The following USP46 variants were observed in gnomAD, a reference collection of about 807,000 sequenced individuals.
USP46 encodes the protein ubiquitin carboxyl-terminal hydrolase 46.
Under a neutral mutation model 44.4 loss-of-function variants are expected in USP46, and 12 were observed. The ratio of observed to expected loss-of-function variants is 0.27; its 90% CI spans 0.17 to 0.44. The LOEUF (loss-of-function observed/expected upper bound fraction) is 0.44, where lower values mean the gene tolerates loss of function less well. Ranked by LOEUF, USP46 falls within the 20% of genes least tolerant of loss-of-function variation. The pLI, the probability that USP46 is intolerant of heterozygous loss-of-function variation, is 1.00. For missense variants in USP46, 248 were observed against 444.8 expected (o/e 0.56, Z 3.98); for synonymous variants, 155 against 161.5 (o/e 0.96, Z 0.31).
Position 52,608,280 on chromosome 4 carries a change from T to C in USP46, c.638+2261A>G, listed in dbSNP as rs573292071. On this transcript the variant is annotated intron_variant, in intron 5 of 8. Coordinates refer to ENST00000441222, the MANE Select transcript of USP46 (RefSeq NM_022832.4). Reference sequence around the variant, plus strand: ...ATCGTGTCCAAGTTAATGTCTATCTTTGATATATTTTCAATTAAAATCTTC... The same window carrying C: ...ATCGTGTCCAAGTTAATGTCTATCTCTGATATATTTTCAATTAAAATCTTC... Among the ~76,000 whole-genome samples, 409 of 152,378 alleles carry C rather than the reference T, an allele frequency of 2.7e-3. 3 individuals are homozygous for C. Among genetic ancestry groups the C allele is most frequent in the Middle Eastern group, 0.014 (4 of 294 alleles).
chr4:52,624,117 G>A (rs1398552351), intron 4 of USP46, among the ~76,000 whole-genome samples: 2 of 152,006 alleles, frequency 1.3e-5, no homozygotes, highest in Non-Finnish European at 2.9e-5. Context: ...GGGGGTTGGC[G>A]GGGAGGATTA....
chr4:52,654,217 T>C (rs1718873565), intron 1 of USP46, among the ~76,000 whole-genome samples: 1 of 152,228 alleles, frequency 6.6e-6, no homozygotes, highest in African/African-American at 2.4e-5. Flanking sequence ...TATTTTCTAA[T>C]CCCAGCAACT....
intron 2 of USP46, chr4:52,628,391 C>A: frequency 2.1e-6 from 1 of 483,748 alleles, no homozygotes; most frequent in Admixed American, 3.3e-5. Context: ...CTTCTCTAGC[C>A]CATCAAAGTC....
chr4:52,656,218 CAA>C, intron 1 of USP46: 1 of 1,462,292 alleles, frequency 6.8e-7, no homozygotes, highest in African/African-American at 1.4e-5. Context: ...CAGCTGGGAC[CAA>C]AGTTAGGAGC....
At chr4:52,616,214 C>T (rs188023237) in intron 4 of USP46, among the ~76,000 whole-genome samples, 4 of 152,210 alleles carry the variant, frequency 2.6e-5, no homozygotes, top group African/African-American at 9.6e-5. Flanking sequence ...TGACATCTAG[C>T]AGGTAGAAGC....
At chr4:52,653,278 G>T (rs566340853) in intron 1 of USP46, among the ~76,000 whole-genome samples, 4 of 152,168 alleles carry the variant, frequency 2.6e-5, no homozygotes, top group Non-Finnish European at 1.5e-5. Flanking sequence ...GGCTGAGGCG[G>T]GCGGATCACC....
chr4:52,637,260 G>A (rs772352265), intron 1 of USP46, among the ~76,000 whole-genome samples: 6 of 151,998 alleles, frequency 3.9e-5, no homozygotes, highest in Non-Finnish European at 8.8e-5. Flanking sequence ...TTTTTCCAAG[G>A]GCTGTCTGGG....
chr4:52,624,470 C>T (rs147772948), intron 4 of USP46, among the ~76,000 whole-genome samples: 2,607 of 152,238 alleles, frequency 0.017, 75 homozygotes, highest in African/African-American at 0.058. Context: ...AACTTTTAGT[C>T]TCTTTTTGTT....
chr4:52,612,586 C>A (rs1219281998), intron 4 of USP46, among the ~76,000 whole-genome samples: 1 of 152,340 alleles, frequency 6.6e-6, no homozygotes. Flanking sequence ...AGAAGGATAA[C>A]CCCAGGCTAG....
intron 1 of USP46, chr4:52,656,430 G>T: frequency 6.8e-7 from 1 of 1,473,922 alleles, no homozygotes; most frequent in Non-Finnish European, 9.1e-7. Flanking sequence ...AGGGACAGTG[G>T]GGGCGGTGGG....
Position 52,659,014 on chromosome 4 carries a change from G to C in USP46, c.36+101C>G. 1 of 1,399,562 alleles carries C rather than the reference G, an allele frequency of 7.1e-7. No homozygotes were observed. 86.7% of individuals were successfully genotyped at this position (1,399,562 alleles called of 1,614,324 possible). On this transcript the variant is annotated intron_variant, in intron 1 of 8. Transcript: ENST00000441222. This position sits in a 1 kb window ranked among gnomAD's most constrained non-coding sequence, Gnocchi z 4.2. ...AACTTCTGGCGGCGCGGACCCCGCCGCCCCCGCCGCCCCAGCCACCGGGCG... is the reference window on the plus strand; with the variant it reads ...AACTTCTGGCGGCGCGGACCCCGCCCCCCCCGCCGCCCCAGCCACCGGGCG...
chr4:52,593,914 T>C lies in USP46; in HGVS notation c.*3726A>G, dbSNP rs1278035602. On this transcript the variant is annotated 3_prime_UTR_variant, in exon 9 of 9. Coordinates refer to ENST00000441222, the MANE Select transcript of USP46 (RefSeq NM_022832.4). The stretch of plus-strand genomic sequence containing the variant: ...TCAATTTGCTATTCTCCAGATACCA[T>C]TTCCTGAATTAAATTCTGTTGATCT... The C allele has an allele frequency of 6.6e-6, 1 of 152,254 alleles. No individual in the cohort carries two copies. The highest frequency in any genetic ancestry group is 6.5e-5 in the Admixed American group (1 of 15,280). 9.4% of individuals were successfully genotyped at this position (152,254 alleles called of 1,614,324 possible).
chr4:52,627,841 C>T (rs572319765), intron 3 of USP46, 109 bp downstream of exon 3: 9 of 1,219,182 alleles, frequency 7.4e-6, no homozygotes, highest in East Asian at 5.1e-5. Context: ...GTTAACCATG[C>T]TTATTTTCCC....
Position 52,659,272 on chromosome 4 carries a change from G to C in USP46, c.-122C>G. 1.0e-6 allele frequency: 1 copy of C among 954,968 alleles called. No individual in the cohort carries two copies. The highest frequency in any genetic ancestry group is 1.4e-6 in the Non-Finnish European group (1 of 722,348). The allele number at this position is 954,968 out of a possible 1,614,324, so 59.2% of individuals were successfully genotyped here. A position where few individuals can be genotyped will look rare whatever the true frequency, so the allele number is the denominator to read the frequency against. ...GCGGCGGCCTGGGGTCCGGCTTTCA[G>C]TTTGGCTGGGAGAGGGAGGCCGGGA... On this transcript the variant is annotated 5_prime_UTR_variant, in exon 1 of 9. Coordinates refer to ENST00000441222, the MANE Select transcript of USP46 (RefSeq NM_022832.4). This position sits in a 1 kb window ranked among gnomAD's most constrained non-coding sequence, Gnocchi z 4.2.
At chr4:52,598,973 C>A (rs1716348446) in intron 7 of USP46, among the ~76,000 whole-genome samples, 1 of 152,188 alleles carries the variant, frequency 6.6e-6, no homozygotes, top group African/African-American at 2.4e-5. Context: ...CAAAAAATTA[C>A]TCTCTACGTA....
At chr4:52,658,744 G>A (rs1407880912) in intron 1 of USP46, among the ~76,000 whole-genome samples, 1 of 152,236 alleles carries the variant, frequency 6.6e-6, no homozygotes, top group African/African-American at 2.4e-5. Context: ...TTGACCGCAA[G>A]AAGAGGATGG....
At chr4:52,599,221 T>G (rs372799421) in intron 7 of USP46, among the ~76,000 whole-genome samples, 2 of 137,590 alleles carry the variant, frequency 1.5e-5, no homozygotes, top group African/African-American at 5.7e-5. Flanking sequence ...ATAATGTGAG[T>G]AGAAGGAAAT....
intron 1 of USP46, among the ~76,000 whole-genome samples, chr4:52,644,466 G>A (rs1356972193): frequency 6.6e-6 from 1 of 152,114 alleles, no homozygotes; most frequent in African/African-American, 2.4e-5. Flanking sequence ...GGCACAGCAG[G>A]TGAGCAGGCA....
intron 1 of USP46, among the ~76,000 whole-genome samples, chr4:52,638,360 T>C (rs1032875272): frequency 2.6e-5 from 4 of 152,024 alleles, no homozygotes; most frequent in Admixed American, 6.6e-5. Flanking sequence ...GGCAAGGAAA[T>C]AGATTCTCCC....
Sources: gnomAD v4.1 joint callset for allele counts (sites outside exome capture counted in the v4.1 genomes callset) on GRCh38, gnomAD v4.1.1 for gene constraint, Gnocchi (gnomAD v3.1) non-coding constraint, MANE v1.5 for transcripts, NCBI Gene and HGNC (gene_info 2026-07-23, HGNC 2026-07-21) for gene names.